The following RAB11FIP5 variants were observed in gnomAD, a reference collection of about 807,000 sequenced individuals.
RAB11FIP5 encodes rab11 family-interacting protein 5.
Under a neutral mutation model 85.1 loss-of-function variants are expected in RAB11FIP5, and 48 were observed. The observed-to-expected ratio is 0.56, with a 90% CI of 0.45 to 0.72. The LOEUF (loss-of-function observed/expected upper bound fraction) is 0.72, where lower values mean the gene tolerates loss of function less well. Among genes scored for constraint, RAB11FIP5 ranks in the 30% least tolerant of loss-of-function variants. The pLI, the probability that RAB11FIP5 is intolerant of heterozygous loss-of-function variation, is 0.00. For missense variants in RAB11FIP5, 1,491 were observed against 1,687.0 expected, an observed-to-expected ratio of 0.88 and a Z score of 2.04; for synonymous variants, 729 against 727.3, an observed-to-expected ratio of 1.00 and a Z score of -0.04.
intron 1 of RAB11FIP5, among the ~76,000 whole-genome samples, chr2:73,104,821 C>G (rs1684492352): frequency 6.6e-6 from 1 of 152,146 alleles, no homozygotes; most frequent in Non-Finnish European, 1.5e-5. Context: ...TTCTCCTGAC[C>G]CCCTCATTCT....
At chr2:73,110,532 G>A (rs1284155174) in intron 1 of RAB11FIP5, among the ~76,000 whole-genome samples, 4 of 151,116 alleles carry the variant, frequency 2.6e-5, no homozygotes, top group African/African-American at 9.7e-5. Context: ...AAAACAGCCA[G>A]GTGGGTGTGG....
At chr2:73,104,375 C>T (rs1326798647) in intron 1 of RAB11FIP5, among the ~76,000 whole-genome samples, 1 of 151,902 alleles carries the variant, frequency 6.6e-6, no homozygotes, top group Non-Finnish European at 1.5e-5. Flanking sequence ...GTCAGGAGTT[C>T]GAGACCAGCC....
intron 1 of RAB11FIP5, among the ~76,000 whole-genome samples, chr2:73,090,562 T>G (rs1364619522): frequency 1.3e-5 from 2 of 152,228 alleles, no homozygotes; most frequent in Non-Finnish European, 2.9e-5. Context: ...GAATACTACT[T>G]AATGATAAAA....
chr2:73,081,380 G>A lies in RAB11FIP5; in HGVS notation c.1852C>T (p.Leu618=). 8.1e-7 allele frequency: 1 copy of A among 1,232,760 alleles called. No homozygotes were observed. The highest frequency in any genetic ancestry group is 1.0e-6 in the Non-Finnish European group (1 of 988,376). 76.4% of individuals were successfully genotyped at this position (1,232,760 alleles called of 1,614,324 possible). Residue 618 remains leucine (L), a synonymous_variant, in exon 4 of 6, where the codon CTA becomes TTA. Transcript: ENST00000486777. This position sits in a 1 kb window ranked among gnomAD's most constrained non-coding sequence, Gnocchi z 4.2. Reference sequence around the variant, plus strand: ...GAGGGAGCAGGTGAAGGAGAGTTTAGTGCTATGTCGGCTATGAGCTCCTCG... The same window carrying A: ...GAGGGAGCAGGTGAAGGAGAGTTTAATGCTATGTCGGCTATGAGCTCCTCG... ...FFEELIADIA[L]NSPSPAPSLP...
chr2:73,093,566 C>A (rs1684259825), intron 1 of RAB11FIP5, among the ~76,000 whole-genome samples: 1 of 152,206 alleles, frequency 6.6e-6, no homozygotes, highest in Non-Finnish European at 1.5e-5. Flanking sequence ...CTGGATGCGC[C>A]TGACAGCAGG....
At position 73,075,385 on chromosome 2, in the gene RAB11FIP5, T is replaced by C; in HGVS notation, c.*136A>G. ...AGGGCCCCCTTCCAGCAGCCCCAGT[T>C]GAGGCAGGAGGGAGAGGAGCAAGGA... On this transcript the variant is annotated 3_prime_UTR_variant, in exon 6 of 6. Coordinates refer to ENST00000486777, the MANE Select transcript of RAB11FIP5 (RefSeq NM_001371272.1). This position sits in a 1 kb window ranked among gnomAD's most constrained non-coding sequence, Gnocchi z 4.6. 1 of 922,166 alleles carries C rather than the reference T, an allele frequency of 1.1e-6. No individual in the cohort carries two copies. Among genetic ancestry groups the C allele is most frequent in the Non-Finnish European group, 1.8e-6 (1 of 564,624 alleles). The allele number at this position is 922,166 out of a possible 1,614,324, so 57.1% of individuals were successfully genotyped here. A position where few individuals can be genotyped will look rare whatever the true frequency, so the allele number is the denominator to read the frequency against.
Position 73,080,587 on chromosome 2 carries a change from T to C in RAB11FIP5, c.2645A>G (p.Glu882Gly). The change falls in exon 4 of 6, where the codon GAG becomes GGG. Residue 882 changes from glutamate (E) to glycine (G), a missense_variant. By Grantham distance (98) the Glu-to-Gly change is moderately conservative. Around this residue, in one of 3 missense-constraint regions of RAB11FIP5, gnomAD observed 1,211 missense variants for 1,338.0 expected, o/e 0.91. Transcript: ENST00000486777. ...PKGSEGLPPP[E>G]PEPKPEWVSD... ...CACCCACTCGGGTTTAGGCTCGGGC[T>C]CCGGTGGGGGAAGCCCCTCGCTCCC... The C allele has an allele frequency of 3.2e-6, 4 of 1,232,352 alleles. No homozygotes were observed. Among genetic ancestry groups the C allele is most frequent in the Non-Finnish European group, 4.0e-6 (4 of 988,066 alleles). The allele number at this position is 1,232,352 out of a possible 1,614,324, so 76.3% of individuals were successfully genotyped here.
At chr2:73,102,152 G>T (rs1489441895) in intron 1 of RAB11FIP5, among the ~76,000 whole-genome samples, 4 of 152,104 alleles carry the variant, frequency 2.6e-5, no homozygotes, top group African/African-American at 9.7e-5. Context: ...AGTTGCGAGG[G>T]ACAGGATATG....
In RAB11FIP5 at chr2:73,081,197, C is replaced by A; in HGVS notation, c.2035G>T (p.Ala679Ser). ...LAPAGVGLEA[A>S]GLQDPGPGAM... Reference sequence around the variant, plus strand: ...CCAGGGCCTGGGTCTTGCAGCCCTGCCGCCTCCAGCCCCACTCCTGCAGGG... The same window carrying A: ...CCAGGGCCTGGGTCTTGCAGCCCTGACGCCTCCAGCCCCACTCCTGCAGGG... Residue 679 changes from alanine (A) to serine (S), a missense_variant, in exon 4 of 6, where the codon GCA becomes TCA. This residue lies in a region of RAB11FIP5 where 1,211 missense variants were observed against 1,338.0 expected (regional missense o/e 0.91). Transcript: ENST00000486777. The surrounding 1 kb of genome is among the most constrained non-coding windows in gnomAD (Gnocchi z 4.2). The A allele has an allele frequency of 8.1e-7, 1 of 1,232,314 alleles. No homozygotes were observed. Among genetic ancestry groups the A allele is most frequent in the Admixed American group, 4.2e-5 (1 of 23,730 alleles). 76.3% of individuals were successfully genotyped at this position (1,232,314 alleles called of 1,614,324 possible).
intron 1 of RAB11FIP5, among the ~76,000 whole-genome samples, chr2:73,103,881 A>T (rs1684477017): frequency 6.6e-6 from 1 of 152,010 alleles, no homozygotes; most frequent in African/African-American, 2.4e-5. Context: ...AAGAAATTCC[A>T]CTTAACCCAT....
intron 1 of RAB11FIP5, among the ~76,000 whole-genome samples, chr2:73,108,362 G>A (rs989243272): frequency 1.3e-5 from 2 of 152,128 alleles, no homozygotes; most frequent in African/African-American, 2.4e-5. Context: ...AGGCCTTACC[G>A]CAGGGACCAT....
chr2:73,108,124 C>T (rs1281587500), intron 1 of RAB11FIP5, among the ~76,000 whole-genome samples: 1 of 152,250 alleles, frequency 6.6e-6, no homozygotes, highest in East Asian at 1.9e-4. Context: ...ACATCTTTCA[C>T]AGCCTCAGCT....
intron 3 of RAB11FIP5, among the ~76,000 whole-genome samples, chr2:73,082,092 G>A (rs1032408780): frequency 3.0e-4 from 44 of 145,536 alleles, no homozygotes; most frequent in African/African-American, 1.1e-3. Flanking sequence ...CTGGAGTGCA[G>A]TGGCGCGATC....
chr2:73,081,323 G>A lies in RAB11FIP5; in HGVS notation c.1909C>T (p.Pro637Ser). The change falls in exon 4 of 6, where the codon CCC (proline) becomes TCC (serine). Residue 637 changes from proline to serine, a missense_variant. Coordinates refer to ENST00000486777, the MANE Select transcript of RAB11FIP5 (RefSeq NM_001371272.1). The surrounding 1 kb of genome is among the most constrained non-coding windows in gnomAD (Gnocchi z 4.2). The stretch of plus-strand genomic sequence containing the variant: ...AGGGCTTTCCCAGGGGAGGCCAGGG[G>A]GGTGGGGCTGGCCCTCGAGGCACTG... ...LPSASRASPT[P>S]LASPGKALPE... The A allele has an allele frequency of 2.4e-6, 3 of 1,232,968 alleles. No individual in the cohort carries two copies. The highest frequency in any genetic ancestry group is 4.1e-5 in the South Asian group (1 of 24,350). 76.4% of individuals were successfully genotyped at this position (1,232,968 alleles called of 1,614,324 possible).
At chr2:73,098,237 C>G (rs1350038938) in intron 1 of RAB11FIP5, among the ~76,000 whole-genome samples, 2 of 152,186 alleles carry the variant, frequency 1.3e-5, no homozygotes, top group Non-Finnish European at 2.9e-5. Context: ...ACCCAAAAAT[C>G]TGAAATCTGA....
At chr2:73,087,108 G>A (rs1479085525) in intron 3 of RAB11FIP5, among the ~76,000 whole-genome samples, 1 of 152,166 alleles carries the variant, frequency 6.6e-6, no homozygotes, top group Non-Finnish European at 1.5e-5. Flanking sequence ...AGCAGCCATG[G>A]AGCGGGAAGG....
chr2:73,091,550 CT>C (rs1315109060), intron 1 of RAB11FIP5, among the ~76,000 whole-genome samples: 1 of 152,204 alleles, frequency 6.6e-6, no homozygotes, highest in African/African-American at 2.4e-5. Flanking sequence ...ACAATGCCAG[CT>C]CCCTGAGCTT....
At chr2:73,103,917 C>T (rs1043813173) in intron 1 of RAB11FIP5, among the ~76,000 whole-genome samples, 1 of 152,094 alleles carries the variant, frequency 6.6e-6, no homozygotes, top group Admixed American at 6.5e-5. Flanking sequence ...GCTCCTAACC[C>T]CATATTCACC....
At chr2:73,091,920 G>C (rs1438871724) in intron 1 of RAB11FIP5, among the ~76,000 whole-genome samples, 1 of 152,210 alleles carries the variant, frequency 6.6e-6, no homozygotes, top group East Asian at 1.9e-4. Context: ...GGCGGACAGA[G>C]AAAATGCCCG....
Sources: gnomAD v4.1 joint callset for allele counts (sites outside exome capture counted in the v4.1 genomes callset) on GRCh38, gnomAD v4.1.1 for gene constraint, gnomAD v4.1.1 regional missense constraint, Gnocchi (gnomAD v3.1) non-coding constraint, MANE v1.5 for transcripts, NCBI Gene and HGNC (gene_info 2026-07-23, HGNC 2026-07-21) for gene names.